VPS13D: variants seen among roughly 807,000 people sequenced by gnomAD.
VPS13D encodes intermembrane lipid transfer protein VPS13D.
Under a neutral mutation model 461.9 loss-of-function variants are expected in VPS13D, and 187 were observed. That is an observed-to-expected ratio of 0.40 (90% CI 0.36 to 0.46). VPS13D has a LOEUF of 0.46. VPS13D is among the 20% of genes least tolerant of loss of function. The pLI is 0.60. For missense variants in VPS13D, 4,711 were observed against 5,364.9 expected, an observed-to-expected ratio of 0.88 and a Z score of 3.81; for synonymous variants, 1,951 against 1,986.3, an observed-to-expected ratio of 0.98 and a Z score of 0.47.
In VPS13D at chr1:12,260,955, G is replaced by A. The variant is rs766391071; in HGVS notation, c.1220G>A (p.Arg407Gln). ...HKQEELAESL[R>Q]EPQFDSPGAC... ...CCTTTGTGATTGACACAGAGTCTGC[G>A]GGAGCCTCAGTTTGATTCTCCAGGA... The change falls in exon 12 of 70, where the codon CGG (arginine) becomes CAG (glutamine). Residue 407 changes from arginine (R) to glutamine (Q), a missense_variant. Arg to Gln is a conservative substitution (Grantham distance 43). Around this residue, in one of 3 missense-constraint regions of VPS13D, gnomAD observed 4,411 missense variants for 4,937.8 expected, o/e 0.89. Transcript: ENST00000620676. The A allele has an allele frequency of 2.4e-5, 38 of 1,613,886 alleles. No individual in the cohort carries two copies. Among genetic ancestry groups the A allele is most frequent in the Non-Finnish European group, 3.2e-5 (38 of 1,180,000 alleles).
rs770372868 is a variant in VPS13D at position 12,253,755 on chromosome 1, G to T, written c.598G>T (p.Val200Leu). The T allele has an allele frequency of 1.2e-6, 2 of 1,614,080 alleles. No individual in the cohort carries two copies. Among genetic ancestry groups the T allele is most frequent in the Non-Finnish European group, 8.5e-7 (1 of 1,179,986 alleles). ...ACTAATGCGGAAAAAGCAATTAGAC[G>T]TAGCAGAATTTAGCATCTATTGGGA... ...QKLMRKKQLD[V>L]AEFSIYWDVD... The change falls in exon 7 of 70, where the codon GTA becomes TTA. Residue 200 changes from valine (V) to leucine (L), a missense_variant. Physicochemically the swap from Val to Leu is conservative, Grantham distance 32. Around this residue, in one of 3 missense-constraint regions of VPS13D, gnomAD observed 4,411 missense variants for 4,937.8 expected, o/e 0.89. Transcript: ENST00000620676.
intron 61 of VPS13D, 62 bp from the exon 62 acceptor site, chr1:12,401,546 A>G (rs1374861360): frequency 3.0e-6 from 4 of 1,338,792 alleles, no homozygotes; most frequent in African/African-American, 1.4e-5. Flanking sequence ...GGCCTTCTTA[A>G]TAGCACAGAT....
chr1:12,460,094 A>AT, intron 66 of VPS13D, 107 bp from the exon 67 acceptor site: 1 of 1,071,732 alleles, frequency 9.3e-7, no homozygotes, highest in Non-Finnish European at 1.3e-6. Context: ...TGGCACAGAG[A>AT]TTAATAGAAT....
chr1:12,390,124 GC>G (rs1644404986), intron 60 of VPS13D, among the ~76,000 whole-genome samples: 1 of 152,150 alleles, frequency 6.6e-6, no homozygotes, highest in Admixed American at 6.5e-5. Context: ...AGACCTCTAA[GC>G]CAGGAGAACT....
At chr1:12,400,962 G>GCGCGCGCGCGCGCGCGCACACACACACA (rs1253464149) in intron 61 of VPS13D, among the ~76,000 whole-genome samples, 2 of 106,296 alleles carry the variant, frequency 1.9e-5, no homozygotes, top group African/African-American at 6.7e-5. Flanking sequence ...CTGCGCGCGC[G>GCGCGCGCGCGCGCGCGCACACACACACA]CACACACACA....
intron 52 of VPS13D, among the ~76,000 whole-genome samples, chr1:12,364,896 TCTTA>T (rs1277742463): frequency 1.2e-4 from 18 of 152,236 alleles, no homozygotes; most frequent in African/African-American, 2.9e-4. Context: ...TAGTTTTAGC[TCTTA>T]CTTCTAGGTC....
intron 67 of VPS13D, among the ~76,000 whole-genome samples, chr1:12,475,461 A>G (rs1261156992): frequency 1.3e-5 from 2 of 152,242 alleles, no homozygotes; most frequent in Non-Finnish European, 2.9e-5. Flanking sequence ...AGAATGAAGA[A>G]AAAGCCCATG....
chr1:12,402,205 A>G (rs573342960), intron 62 of VPS13D, among the ~76,000 whole-genome samples: 2 of 152,316 alleles, frequency 1.3e-5, no homozygotes, highest in East Asian at 1.9e-4. Context: ...TGTAATTACA[A>G]AGGTTTCTGC....
intron 65 of VPS13D, among the ~76,000 whole-genome samples, chr1:12,454,573 C>A (rs1269682258): frequency 6.6e-6 from 1 of 152,214 alleles, no homozygotes; most frequent in African/African-American, 2.4e-5. Context: ...GGAACTGTTG[C>A]TTTACATGGA....
Position 12,373,810 on chromosome 1 carries a change from C to T in VPS13D, c.10869C>T (p.Leu3623=), listed in dbSNP as rs145410334. Residue 3623 remains leucine, a synonymous_variant, in exon 55 of 70, where the codon CTC becomes CTT. Coordinates refer to ENST00000620676, the MANE Select transcript of VPS13D (RefSeq NM_015378.4). ...ASNKAITCAE[L]VLDVSPKTQR... ...ACAAGGCCATTACCTGTGCGGAGCT[C>T]GTTTTGGATGTCTCACCCAAGACAC... is the stretch of plus-strand genomic sequence containing the variant. The T allele has an allele frequency of 5.1e-4, 811 of 1,605,476 alleles. 14 individuals are homozygous for T. In the South Asian group the frequency reaches 8.4e-3, roughly 17 times the overall value.
chr1:12,271,721 A>C (rs1463958476), intron 17 of VPS13D, among the ~76,000 whole-genome samples: 9 of 151,894 alleles, frequency 5.9e-5, no homozygotes, highest in Non-Finnish European at 5.9e-5. Context: ...CAGACCTGAT[A>C]CTTTGTGCAT....
intron 34 of VPS13D, 42 bp downstream of exon 34, chr1:12,322,788 C>T (rs371056809): frequency 5.0e-5 from 79 of 1,571,212 alleles, no homozygotes; most frequent in Middle Eastern, 3.5e-4. Flanking sequence ...TTGCTAATAA[C>T]GCTTCTTCTT....
chr1:12,358,005 A>C (rs78424225), intron 49 of VPS13D, among the ~76,000 whole-genome samples: 2 of 131,836 alleles, frequency 1.5e-5, no homozygotes, highest in African/African-American at 5.9e-5. Flanking sequence ...TTCCACCTCA[A>C]AAAAAAAAAA....
At chr1:12,448,890 G>C (rs182738626) in intron 65 of VPS13D, among the ~76,000 whole-genome samples, 13 of 152,346 alleles carry the variant, frequency 8.5e-5, no homozygotes, top group African/African-American at 2.9e-4. Context: ...TTGCAGAATA[G>C]CAAGAGAAAC....
chr1:12,314,259 C>T lies in VPS13D; in HGVS notation c.7080C>T (p.Ser2360=), dbSNP rs1642833973. The change falls in exon 30 of 70, where the codon AGC becomes AGT. Residue 2360 remains serine (S), a synonymous_variant. Transcript: ENST00000620676. ...KTSPGMTNVF[S]CIFQPAKNSS... ...GCCCTGGCATGACGAATGTGTTCAG[C>T]TGTATCTTTCAGCCCGCTAAGAACA... 6.2e-7 allele frequency: 1 copy of T among 1,614,070 alleles called. No homozygotes were observed. The highest frequency in any genetic ancestry group is 1.1e-5 in the South Asian group (1 of 91,086).
At position 12,268,726 on chromosome 1, in the gene VPS13D, G is replaced by A. The variant is rs374372259; in HGVS notation, c.1822G>A (p.Val608Ile). The change falls in exon 16 of 70, where the codon GTT becomes ATT. Residue 608 changes from valine (V) to isoleucine (I), a missense_variant. Coordinates refer to ENST00000620676, the MANE Select transcript of VPS13D (RefSeq NM_015378.4). Reference protein sequence around the residue: ...HYPAADPDGPVFEMLYERNPA... With the variant: ...HYPAADPDGPIFEMLYERNPA... ...TTTAGCTGCAGATCCAGATGGCCCC[G>A]TTTTTGAGATGCTGTATGAGAGAAA... The A allele has an allele frequency of 2.0e-5, 33 of 1,613,364 alleles. No homozygotes were observed. Among genetic ancestry groups the A allele is most frequent in the Non-Finnish European group, 2.3e-5 (27 of 1,179,808 alleles).
At chr1:12,450,220 G>A (rs781471586) in intron 65 of VPS13D, among the ~76,000 whole-genome samples, 45 of 152,252 alleles carry the variant, frequency 3.0e-4, no homozygotes, top group Non-Finnish European at 5.9e-4. Context: ...ACCAGCATGC[G>A]TGTTTGGTAA....
chr1:12,267,415 AAATAT>A (rs1029314197), intron 14 of VPS13D, among the ~76,000 whole-genome samples: 18 of 152,274 alleles, frequency 1.2e-4, no homozygotes, highest in Middle Eastern at 3.4e-3. Context: ...GTAATTTTTA[AAATAT>A]AATATACGTT....
chr1:12,277,160 GA>G lies in VPS13D; in HGVS notation c.3577del (p.Ile1193LeufsTer6), dbSNP rs1641639069. ...VGMANREKYG[R>X]KIATASIGGT... The stretch of plus-strand genomic sequence containing the variant: ...ATGGCAAATAGAGAGAAATATGGCA[GA>G]AAAATTGCAACTGCAAGTATAGGTG... On this transcript the variant is annotated frameshift_variant, in exon 19 of 70. Coordinates refer to ENST00000620676, the MANE Select transcript of VPS13D (RefSeq NM_015378.4). LOFTEE classifies it high-confidence loss of function. 6.2e-7 allele frequency: 1 copy of G among 1,614,052 alleles called. No homozygotes were observed. The highest frequency in any genetic ancestry group is 1.3e-5 in the African/African-American group (1 of 74,926).
Sources: gnomAD v4.1 joint callset for allele counts (sites outside exome capture counted in the v4.1 genomes callset) on GRCh38, gnomAD v4.1.1 for gene constraint, gnomAD v4.1.1 regional missense constraint, MANE v1.5 for transcripts, NCBI Gene and HGNC (gene_info 2026-07-23, HGNC 2026-07-21) for gene names.